The following PRKCB variants were observed in gnomAD, a reference collection of about 807,000 sequenced individuals.
PRKCB encodes protein kinase C beta type.
Under a neutral mutation model 81.5 loss-of-function variants are expected in PRKCB, and 13 were observed. That is an observed-to-expected ratio of 0.16 (90% CI 0.10 to 0.25). PRKCB has a LOEUF of 0.25. PRKCB is among the 10% of genes least tolerant of loss of function. PRKCB has a pLI of 1.00. For missense variants in PRKCB, 509 were observed against 875.7 expected (o/e 0.58, Z 5.29); for synonymous variants, 335 against 321.4 (o/e 1.04, Z -0.45).
chr16:24,069,526 T>C (rs749119074), intron 5 of PRKCB, among the ~76,000 whole-genome samples: 20 of 152,102 alleles, frequency 1.3e-4, no homozygotes, highest in Non-Finnish European at 1.9e-4. Context: ...GAAGATTGCT[T>C]GAGCCCAGGA....
chr16:24,118,383 G>A (rs539822203), intron 8 of PRKCB, among the ~76,000 whole-genome samples: 125 of 152,230 alleles, frequency 8.2e-4, no homozygotes, highest in Admixed American at 1.9e-3. Context: ...CCCCCTTCGG[G>A]ATAAATAAAG....
intron 7 of PRKCB, among the ~76,000 whole-genome samples, chr16:24,096,666 A>AAAAAAAAAAAATATATATATAT (rs1406204037): frequency 6.1e-5 from 2 of 32,702 alleles, no homozygotes; most frequent in Non-Finnish European, 6.1e-5. Flanking sequence ...AAAAAAAAAA[A>AAAAAAAAAAAATATATATATAT]ATATATATAT....
At chr16:23,931,868 C>G (rs1236841818) in intron 2 of PRKCB, among the ~76,000 whole-genome samples, 2 of 152,204 alleles carry the variant, frequency 1.3e-5, no homozygotes, top group East Asian at 3.9e-4. Context: ...TCCATATCCG[C>G]ACCCAATGCT....
At position 24,113,068 on chromosome 16, in the gene PRKCB, A is replaced by C; in HGVS notation, c.917A>C (p.Glu306Ala). The change falls in exon 8 of 17, where the codon GAG becomes GCG. Residue 306 changes from glutamate (E) to alanine (A), a missense_variant and splice_region_variant. Glu to Ala is a moderately radical substitution (Grantham distance 107, BLOSUM62 -1). Coordinates refer to ENST00000643927, the MANE Select transcript of PRKCB (RefSeq NM_002738.7). ...AATGAAGAACTGCGGCAGAAATTTGAGGTGAGGTTTCTTTTCTTTTTCTCT... is the reference window on the plus strand; with the variant it reads ...AATGAAGAACTGCGGCAGAAATTTGCGGTGAGGTTTCTTTTCTTTTTCTCT... Reference protein sequence around the residue: ...EANEELRQKFERAKISQGTKV... With the variant: ...EANEELRQKFARAKISQGTKV... The C allele has an allele frequency of 6.2e-7, 1 of 1,608,806 alleles. No individual in the cohort carries two copies.
chr16:24,118,742 T>C (rs1395989199), intron 8 of PRKCB, among the ~76,000 whole-genome samples: 1 of 152,202 alleles, frequency 6.6e-6, no homozygotes, highest in Non-Finnish European at 1.5e-5. Flanking sequence ...ATTAGTGTAT[T>C]CCTGTTTCTG....
chr16:23,968,720 A>G (rs909290608), intron 2 of PRKCB, among the ~76,000 whole-genome samples: 1 of 152,192 alleles, frequency 6.6e-6, no homozygotes, highest in African/African-American at 2.4e-5. Flanking sequence ...ACAAGGAACA[A>G]GCAGCACGTA....
At chr16:23,997,140 C>A (rs1447941054) in intron 3 of PRKCB, among the ~76,000 whole-genome samples, 1 of 152,178 alleles carries the variant, frequency 6.6e-6, no homozygotes, top group Non-Finnish European at 1.5e-5. Flanking sequence ...CACTGCCACC[C>A]AGCCACTTTG....
intron 2 of PRKCB, among the ~76,000 whole-genome samples, chr16:23,884,660 A>G (rs540019225): frequency 1.3e-5 from 2 of 152,152 alleles, no homozygotes; most frequent in South Asian, 4.1e-4. Context: ...TCAGCCTCCT[A>G]AGTAGCTGGG....
At chr16:23,924,259 G>A (rs560935208) in intron 2 of PRKCB, among the ~76,000 whole-genome samples, 2 of 152,036 alleles carry the variant, frequency 1.3e-5, no homozygotes, top group South Asian at 2.1e-4. Context: ...CTTCCCCTTC[G>A]CCTTCTGTCA....
chr16:24,176,913 T>G (rs1050982682), intron 12 of PRKCB, among the ~76,000 whole-genome samples: 3 of 145,828 alleles, frequency 2.1e-5, no homozygotes, highest in Non-Finnish European at 4.5e-5. Flanking sequence ...AAAAAAAAAG[T>G]ACACATGATC....
chr16:24,021,032 CTTTCTTT>C (rs1965364960), intron 3 of PRKCB, among the ~76,000 whole-genome samples: 2 of 139,500 alleles, frequency 1.4e-5, no homozygotes, highest in African/African-American at 2.8e-5. Context: ...TTCTTTCTTT[CTTTCTTT>C]CTCTTTCTTT....
chr16:23,983,614 A>G (rs1199885914), intron 2 of PRKCB, among the ~76,000 whole-genome samples: 1 of 152,272 alleles, frequency 6.6e-6, no homozygotes, highest in Non-Finnish European at 1.5e-5. Flanking sequence ...TATTTACTGA[A>G]TATCAATTAT....
Position 24,007,283 on chromosome 16 carries a change from A to G in PRKCB, c.288+18693A>G, listed in dbSNP as rs1965138649. The stretch of plus-strand genomic sequence containing the variant: ...GGACATGCTAGTTAATATTATTGCC[A>G]CAAATGATCCTTTCAAGTCTTAGAT... On this transcript the variant is annotated intron_variant, in intron 3 of 16. Transcript: ENST00000643927. Among the ~76,000 whole-genome samples, 5 of 152,324 alleles carry G rather than the reference A, an allele frequency of 3.3e-5. 1 individual carries two copies. The South Asian group carries it at 1.0e-3, about 32-fold the overall frequency.
chr16:24,140,850 A>G (rs916837436), intron 9 of PRKCB, among the ~76,000 whole-genome samples: 2 of 152,152 alleles, frequency 1.3e-5, no homozygotes, highest in Non-Finnish European at 2.9e-5. Flanking sequence ...GCAGTCTTTC[A>G]TTAGTTTTAC....
At chr16:24,214,413 C>A (rs1968191764) in intron 16 of PRKCB, among the ~76,000 whole-genome samples, 1 of 152,062 alleles carries the variant, frequency 6.6e-6, no homozygotes, top group Non-Finnish European at 1.5e-5. Context: ...CAGAAGGACA[C>A]CAGGAGCAGC....
Position 24,215,139 on chromosome 16 carries a change from A to G in PRKCB, c.*323A>G. 3 of 1,094,448 alleles carry G rather than the reference A, an allele frequency of 2.7e-6. No homozygotes were observed. The highest frequency in any genetic ancestry group is 2.8e-5 in the South Asian group (1 of 36,042). 67.8% of individuals were successfully genotyped at this position (1,094,448 alleles called of 1,614,324 possible). A position where few individuals can be genotyped will look rare whatever the true frequency, so the allele number is the denominator to read the frequency against. ...CTGCTTTCTTTCCCTCTTTTTCTGCACTGCCATATTCACCCCCAACCATCC... is the reference window on the plus strand; with the variant it reads ...CTGCTTTCTTTCCCTCTTTTTCTGCGCTGCCATATTCACCCCCAACCATCC... On this transcript the variant is annotated 3_prime_UTR_variant, in exon 17 of 17. Coordinates refer to ENST00000643927, the MANE Select transcript of PRKCB (RefSeq NM_002738.7).
intron 12 of PRKCB, chr16:24,175,078 G>A (rs531768619): frequency 6.5e-6 from 1 of 152,880 alleles, no homozygotes; most frequent in African/African-American, 2.4e-5. Flanking sequence ...TTTTGGAGGA[G>A]CAAATGGATG....
At chr16:23,892,868 C>T (rs1024172483) in intron 2 of PRKCB, 4 of 152,126 alleles carry the variant, frequency 2.6e-5, no homozygotes, top group Non-Finnish European at 4.4e-5. Context: ...CAGCCTATCA[C>T]CTATCTCAGG....
At position 24,092,780 on chromosome 16, in the gene PRKCB, T is replaced by C. The variant is rs1966391089; in HGVS notation, c.530-11T>C. ...ACAGTATTAATGCAAAAACTGCTTT[T>C]TCTTTTTCAGTAAGAGATGCTAAAA... is the stretch of plus-strand genomic sequence containing the variant. On this transcript the variant is annotated splice_polypyrimidine_tract_variant and intron_variant, in intron 5 of 16. Transcript: ENST00000643927. 4 of 1,611,944 alleles carry C rather than the reference T, an allele frequency of 2.5e-6. No individual in the cohort carries two copies. Among genetic ancestry groups the C allele is most frequent in the African/African-American group, 1.3e-5 (1 of 74,878 alleles).
Sources: gnomAD v4.1 joint callset for allele counts (sites outside exome capture counted in the v4.1 genomes callset) on GRCh38, gnomAD v4.1.1 for gene constraint, MANE v1.5 for transcripts, NCBI Gene and HGNC (gene_info 2026-07-23, HGNC 2026-07-21) for gene names.